MPC2: variants seen among roughly 807,000 people sequenced by gnomAD.
MPC2 encodes mitochondrial pyruvate carrier 2, also known as brain protein 44.
A neutral mutation model predicts 19.2 loss-of-function variants in MPC2; 19 were observed. The ratio of observed to expected loss-of-function variants is 0.99; its 90% CI spans 0.69 to 1.45. The LOEUF is 1.45. Among genes scored for constraint, MPC2 ranks in the 40% most tolerant of loss-of-function variants. MPC2 has a pLI of 0.00. For missense variants in MPC2, 122 were observed against 153.0 expected (o/e 0.80, Z 1.07); for synonymous variants, 61 against 54.3 (o/e 1.12, Z -0.54).
At chr1:167,931,270 C>T (rs931180658) in intron 2 of MPC2, among the ~76,000 whole-genome samples, 3 of 152,162 alleles carry the variant, frequency 2.0e-5, no homozygotes, top group African/African-American at 7.2e-5. Context: ...AATACAAACT[C>T]TGTGTGGGTG....
chr1:167,918,343 T>C lies in MPC2; in HGVS notation c.364A>G (p.Lys122Glu). The C allele has an allele frequency of 6.4e-7, 1 of 1,565,900 alleles. No homozygotes were observed. Reference sequence around the variant, plus strand: ...CTCTTTTATTTGTGTGCTTTAGCTTTTAGTTCTTGGTTATATCTATAAAGA... The same window carrying C: ...CTCTTTTATTTGTGTGCTTTAGCTTCTAGTTCTTGGTTATATCTATAAAGA... ...FRIWRYNQEL[K>E]AKAHK The change falls in exon 6 of 6, where the codon AAA (lysine) becomes GAA (glutamate). Residue 122 changes from lysine (K) to glutamate (E), a missense_variant. Coordinates refer to ENST00000271373, the MANE Select transcript of MPC2 (RefSeq NM_001143674.4).
chr1:167,927,801 A>C (rs1241933654), intron 2 of MPC2, among the ~76,000 whole-genome samples: 1 of 152,234 alleles, frequency 6.6e-6, no homozygotes, highest in Non-Finnish European at 1.5e-5. Flanking sequence ...CAACTGAAAA[A>C]ACTTCAAACA....
At chr1:167,922,489 T>C (rs1410085988) in intron 3 of MPC2, among the ~76,000 whole-genome samples, 1 of 152,078 alleles carries the variant, frequency 6.6e-6, no homozygotes, top group Non-Finnish European at 1.5e-5. Flanking sequence ...TATAAAGATA[T>C]ATTATTACTA....
At chr1:167,920,490 GA>G (rs1336039932) in intron 4 of MPC2, 56 bp downstream of exon 4, 1 of 1,564,838 alleles carries the variant, frequency 6.4e-7, no homozygotes, top group East Asian at 2.4e-5. Context: ...TGATATAAAA[GA>G]AAACAAAAAT....
At chr1:167,922,476 C>G (rs964161829) in intron 3 of MPC2, among the ~76,000 whole-genome samples, 6 of 151,866 alleles carry the variant, frequency 4.0e-5, no homozygotes, top group African/African-American at 1.5e-4. Flanking sequence ...CAATCAATTC[C>G]ACTATAAAGA....
chr1:167,930,165 T>C (rs1244212928), intron 2 of MPC2, among the ~76,000 whole-genome samples: 2 of 152,206 alleles, frequency 1.3e-5, no homozygotes, highest in South Asian at 2.1e-4. Flanking sequence ...TGGAAATAGC[T>C]ATCACTAAAA....
intron 2 of MPC2, among the ~76,000 whole-genome samples, chr1:167,926,782 T>A (rs1227535919): frequency 1.3e-5 from 2 of 152,224 alleles, no homozygotes; most frequent in Non-Finnish European, 2.9e-5. Flanking sequence ...ACTAGTTTCA[T>A]GCTATTTTAT....
At chr1:167,920,957 T>C (rs990720985) in intron 3 of MPC2, among the ~76,000 whole-genome samples, 1 of 152,198 alleles carries the variant, frequency 6.6e-6, no homozygotes, top group Non-Finnish European at 1.5e-5. Flanking sequence ...ATTTCACATA[T>C]GAATTTATAT....
At chr1:167,926,532 A>T (rs562162368) in intron 2 of MPC2, among the ~76,000 whole-genome samples, 1 of 152,368 alleles carries the variant, frequency 6.6e-6, no homozygotes, top group Non-Finnish European at 1.5e-5. Context: ...ATTTAACTAA[A>T]TATTAGCCAA....
chr1:167,919,653 T>C (rs959212421), intron 5 of MPC2, among the ~76,000 whole-genome samples: 3 of 152,192 alleles, frequency 2.0e-5, no homozygotes, highest in Admixed American at 2.0e-4. Flanking sequence ...GTATATGTTG[T>C]CTTAATAAAA....
chr1:167,919,247 C>T (rs1344936935), intron 5 of MPC2, among the ~76,000 whole-genome samples: 1 of 152,168 alleles, frequency 6.6e-6, no homozygotes, highest in Non-Finnish European at 1.5e-5. Flanking sequence ...ATTCTCAATC[C>T]AAAGAAGTAA....
intron 1 of MPC2, 183 bp from the exon 2 acceptor site, chr1:167,936,081 C>G (rs1220930177): frequency 3.6e-6 from 2 of 563,206 alleles, no homozygotes; most frequent in Non-Finnish European, 6.5e-6. Flanking sequence ...CTCCGGCCCC[C>G]GGCAGGAGAG....
At chr1:167,924,633 T>A in intron 2 of MPC2, 96 bp from the exon 3 acceptor site, 2 of 881,676 alleles carry the variant, frequency 2.3e-6, no homozygotes, top group Non-Finnish European at 3.4e-6. Context: ...CCAAAGGATT[T>A]ATCAACCTAT....
chr1:167,927,053 A>C (rs1489897324), intron 2 of MPC2, among the ~76,000 whole-genome samples: 5 of 152,214 alleles, frequency 3.3e-5, no homozygotes, highest in Non-Finnish European at 7.3e-5. Context: ...ATCTTCCTTG[A>C]CAAATAATAG....
intron 3 of MPC2, among the ~76,000 whole-genome samples, chr1:167,922,544 G>C (rs1670628093): frequency 6.6e-6 from 1 of 151,844 alleles, no homozygotes; most frequent in Non-Finnish European, 1.5e-5. Flanking sequence ...AAATGGTAAT[G>C]TAACTTCCAT....
intron 2 of MPC2, among the ~76,000 whole-genome samples, chr1:167,927,235 A>G (rs183031861): frequency 6.6e-6 from 1 of 152,312 alleles, no homozygotes; most frequent in African/African-American, 2.4e-5. Context: ...TGCCAAGGAT[A>G]TATTAGATTT....
intron 5 of MPC2, 48 bp downstream of exon 5, chr1:167,919,931 T>A: frequency 1.4e-6 from 2 of 1,403,942 alleles, no homozygotes; most frequent in Non-Finnish European, 2.0e-6. Context: ...ATTAGTGCCA[T>A]CTAAGTAGCT....
chr1:167,920,015 C>T lies in MPC2; in HGVS notation c.311G>A (p.Gly104Glu). 1 of 1,613,428 alleles carries T rather than the reference C, an allele frequency of 6.2e-7. No homozygotes were observed. Among genetic ancestry groups the T allele is most frequent in the African/African-American group, 1.3e-5 (1 of 74,958 alleles). ...AAAAAGCTGAGAGGCTCCTGCTGCC[C>T]CCACAAAGAAATTAACAGCAAACAG... is the stretch of plus-strand genomic sequence containing the variant. ...WSLFAVNFFV[G>E]AAGASQLFRI... Residue 104 changes from glycine to glutamate, a missense_variant, in exon 5 of 6, where the codon GGG (glycine) becomes GAG (glutamate). Physicochemically the swap from Gly to Glu is moderately conservative, Grantham distance 98. Transcript: ENST00000271373.
chr1:167,925,292 T>G (rs1422677625), intron 2 of MPC2, among the ~76,000 whole-genome samples: 24 of 151,724 alleles, frequency 1.6e-4, no homozygotes, highest in Non-Finnish European at 1.5e-4. Flanking sequence ...GGCTCAATAC[T>G]ATTCATACTT....
Sources: allele counts gnomAD v4.1 joint callset (sites outside exome capture counted in the v4.1 genomes callset), GRCh38; gene constraint gnomAD v4.1.1; transcripts MANE v1.5; gene names NCBI Gene and HGNC (gene_info 2026-07-23, HGNC 2026-07-21).